Variants in RNF220 observed in about 807,000 individuals in gnomAD.
The protein encoded by RNF220 is E3 ubiquitin-protein ligase RNF220.
RNF220 carries 7 observed loss-of-function variants against 67.1 expected under a neutral mutation model. The observed-to-expected ratio is 0.10, with a 90% confidence interval of 0.06 to 0.20. The LOEUF is 0.20. Among genes scored for constraint, RNF220 ranks in the 10% least tolerant of loss-of-function variants. RNF220 has a pLI of 1.00. For missense variants in RNF220, 565 were observed against 740.3 expected, an observed-to-expected ratio of 0.76 and a Z score of 2.75; for synonymous variants, 270 against 283.2, an observed-to-expected ratio of 0.95 and a Z score of 0.47.
chr1:44,426,990 A>G (rs927197986), intron 2 of RNF220, among the ~76,000 whole-genome samples: 10 of 152,192 alleles, frequency 6.6e-5, no homozygotes, highest in African/African-American at 2.4e-4. Flanking sequence ...GCAAGCAAAG[A>G]GAAGAACATA....
In RNF220 at chr1:44,650,589, AGGACCAAGGT is replaced by A. The variant is rs1259165157; in HGVS notation, c.1630-114_1630-105del. 1 of 1,144,736 alleles carries A rather than the reference AGGACCAAGGT, an allele frequency of 8.7e-7. No individual in the cohort carries two copies. The highest frequency in any genetic ancestry group is 1.5e-5 in the African/African-American group (1 of 65,834). The allele number at this position is 1,144,736 out of a possible 1,614,324, so 70.9% of individuals were successfully genotyped here. A position where few individuals can be genotyped will look rare whatever the true frequency, so the allele number is the denominator to read the frequency against. On this transcript the variant is annotated intron_variant, in intron 14 of 14. Transcript: ENST00000361799. This position sits in a 1 kb window ranked among gnomAD's most constrained non-coding sequence, Gnocchi z 4.3. ...CTATGCGTCCCCAGCCTGGGCTGACAGGACCAAGGTCTCAGCACACACTGGTGCAGAGAGA... is the reference window on the plus strand; with the variant it reads ...CTATGCGTCCCCAGCCTGGGCTGACACTCAGCACACACTGGTGCAGAGAGA...
At chr1:44,551,119 C>CATTTT (rs1662591220) in intron 2 of RNF220, among the ~76,000 whole-genome samples, 1 of 97,498 alleles carries the variant, frequency 1.0e-5, no homozygotes. Flanking sequence ...CACTTCTTGC[C>CATTTT]TTTTTTTTTT....
At chr1:44,407,105 T>C (rs368176201) in intron 1 of RNF220, among the ~76,000 whole-genome samples, 5 of 152,014 alleles carry the variant, frequency 3.3e-5, no homozygotes, top group Non-Finnish European at 7.4e-5. Context: ...GCCCGGGCCA[T>C]AGGTGTGGGG....
In RNF220 at chr1:44,565,860, C is replaced by A. The variant is rs1321291741; in HGVS notation, c.626-48305C>A. Among the ~76,000 whole-genome samples the A allele has an allele frequency of 6.6e-6, 1 of 152,142 alleles. No individual in the cohort carries two copies. Among genetic ancestry groups the A allele is most frequent in the Non-Finnish European group, 1.5e-5 (1 of 68,016 alleles). On this transcript the variant is annotated intron_variant, in intron 2 of 14. Coordinates refer to ENST00000361799, the MANE Select transcript of RNF220 (RefSeq NM_018150.4). This position sits in a 1 kb window ranked among gnomAD's most constrained non-coding sequence, Gnocchi z 4.2. ...CTGCAGTCTTACCTGTCCTCTGAAG[C>A]CAGTTTGCTAAGTCTTGAATCCCAC...
At chr1:44,605,296 C>CAAAA (rs1553120199) in intron 2 of RNF220, among the ~76,000 whole-genome samples, 7 of 52,066 alleles carry the variant, frequency 1.3e-4, no homozygotes, top group Middle Eastern at 0.013. Context: ...GACTCCGTCT[C>CAAAA]AAAAAAAAAA....
At chr1:44,557,132 T>TACA (rs1663161597) in intron 2 of RNF220, among the ~76,000 whole-genome samples, 4 of 147,262 alleles carry the variant, frequency 2.7e-5, no homozygotes, top group Non-Finnish European at 6.0e-5. Flanking sequence ...TGTATATATA[T>TACA]TTTATATACG....
At chr1:44,442,739 A>T (rs1384822440) in intron 2 of RNF220, among the ~76,000 whole-genome samples, 2 of 149,910 alleles carry the variant, frequency 1.3e-5, no homozygotes, top group Non-Finnish European at 3.0e-5. Flanking sequence ...TTGGTCTTGA[A>T]CTCCTGGGCT....
chr1:44,645,146 A>G lies in RNF220; in HGVS notation c.1310+65A>G. ...ACAGGAAGCCCTGAGGCAGGGGTTA[A>G]CGCAGTACTGACCCTCAGGGCTGTC... On this transcript the variant is annotated intron_variant, in intron 10 of 14. Coordinates refer to ENST00000361799, the MANE Select transcript of RNF220 (RefSeq NM_018150.4). This position sits in a 1 kb window ranked among gnomAD's most constrained non-coding sequence, Gnocchi z 5.0. 10 of 1,611,664 alleles carry G rather than the reference A, an allele frequency of 6.2e-6. No individual in the cohort carries two copies. Among genetic ancestry groups the G allele is most frequent in the Non-Finnish European group, 8.5e-6 (10 of 1,177,792 alleles).
At chr1:44,448,933 A>G (rs1417418699) in intron 2 of RNF220, among the ~76,000 whole-genome samples, 1 of 152,218 alleles carries the variant, frequency 6.6e-6, no homozygotes, top group Non-Finnish European at 1.5e-5. Flanking sequence ...CCTCCCAGAC[A>G]CTGCTCTCTC....
chr1:44,405,377 A>ACTGCTGCTGCTGCTGCTGCCG lies in RNF220; in HGVS notation c.-266_-246dup, dbSNP rs139728188. 7 of 611,418 alleles carry ACTGCTGCTGCTGCTGCTGCCG rather than the reference A, an allele frequency of 1.1e-5. No homozygotes were observed. Among genetic ancestry groups the ACTGCTGCTGCTGCTGCTGCCG allele is most frequent in the Middle Eastern group, 3.6e-4 (1 of 2,814 alleles). 37.9% of individuals were successfully genotyped at this position (611,418 alleles called of 1,614,324 possible). ...AACACAAACCCGGGGCCAGCCGCCT[A>ACTGCTGCTGCTGCTGCTGCCG]CTGCTGCTGCTGCTGCTGCCGCTGC... On this transcript the variant is annotated 5_prime_UTR_variant, in exon 1 of 15. Transcript: ENST00000361799.
At chr1:44,509,253 G>GA (rs1204646423) in intron 2 of RNF220, among the ~76,000 whole-genome samples, 1 of 152,156 alleles carries the variant, frequency 6.6e-6, no homozygotes, top group Non-Finnish European at 1.5e-5. Context: ...GATGGTATTA[G>GA]AAAATAGGCA....
intron 2 of RNF220, among the ~76,000 whole-genome samples, chr1:44,580,913 C>A (rs1402340370): frequency 1.3e-5 from 2 of 152,226 alleles, no homozygotes; most frequent in Non-Finnish European, 2.9e-5. Flanking sequence ...TGTGTGGCCG[C>A]CTTCTCCAGG....
At chr1:44,436,854 C>T (rs749852062) in intron 2 of RNF220, among the ~76,000 whole-genome samples, 52 of 152,168 alleles carry the variant, frequency 3.4e-4, no homozygotes, top group Non-Finnish European at 6.2e-4. Context: ...TCTGTTTACC[C>T]CTGGCACCTC....
At chr1:44,642,652 G>A (rs1343069261) in intron 8 of RNF220, among the ~76,000 whole-genome samples, 1 of 152,222 alleles carries the variant, frequency 6.6e-6, no homozygotes, top group African/African-American at 2.4e-5. Context: ...AAGGACTTCA[G>A]GCTACAGGGC....
intron 2 of RNF220, among the ~76,000 whole-genome samples, chr1:44,455,771 C>T (rs559912126): frequency 1.3e-5 from 2 of 152,302 alleles, no homozygotes; most frequent in South Asian, 4.1e-4. Context: ...CATAAAACTA[C>T]ATAAATACAA....
chr1:44,493,485 G>A lies in RNF220; in HGVS notation c.625+80763G>A, dbSNP rs547327583. The stretch of plus-strand genomic sequence containing the variant: ...GCCAAGATCGTGCCATTGCACTCTA[G>A]CCTGGGTGACAAGAGCAAGACTCCG... On this transcript the variant is annotated intron_variant, in intron 2 of 14. Coordinates refer to ENST00000361799, the MANE Select transcript of RNF220 (RefSeq NM_018150.4). Among the ~76,000 whole-genome samples, 121 of 152,200 alleles carry A rather than the reference G, an allele frequency of 8.0e-4. 1 individual carries two copies. Among genetic ancestry groups the A allele is most frequent in the African/African-American group, 2.8e-3 (116 of 41,506 alleles).
Position 44,636,085 on chromosome 1 carries a change from A to G in RNF220, c.1049A>G (p.Asn350Ser), listed in dbSNP as rs1287856205. The G allele has an allele frequency of 6.2e-7, 1 of 1,614,226 alleles. No homozygotes were observed. The highest frequency in any genetic ancestry group is 8.5e-7 in the Non-Finnish European group (1 of 1,180,028). ...DDAVDIEHEN[N>S]NRFEEYEWCG... Reference sequence around the variant, plus strand: ...GCTGTGGACATCGAGCATGAGAACAACAACCGCTTTGAGGAGTATGAGTGG... The same window carrying G: ...GCTGTGGACATCGAGCATGAGAACAGCAACCGCTTTGAGGAGTATGAGTGG... The change falls in exon 8 of 15, where the codon AAC (asparagine) becomes AGC (serine). Residue 350 changes from asparagine (N) to serine (S), a missense_variant. By Grantham distance (46) the Asn-to-Ser change is conservative (BLOSUM62 1). Coordinates refer to ENST00000361799, the MANE Select transcript of RNF220 (RefSeq NM_018150.4).
chr1:44,501,474 G>A (rs934204644), intron 2 of RNF220, among the ~76,000 whole-genome samples: 1 of 152,108 alleles, frequency 6.6e-6, no homozygotes, highest in Non-Finnish European at 1.5e-5. Context: ...GTGAGCAGAG[G>A]AGGAGCAGGC....
At chr1:44,571,088 AG>A (rs1473055882) in intron 2 of RNF220, among the ~76,000 whole-genome samples, 1 of 151,518 alleles carries the variant, frequency 6.6e-6, no homozygotes, top group East Asian at 1.9e-4. Context: ...AAAAAAAAAA[AG>A]ATAAATCAGA....
Sources: gnomAD v4.1 joint callset for allele counts (sites outside exome capture counted in the v4.1 genomes callset) on GRCh38, gnomAD v4.1.1 for gene constraint, Gnocchi (gnomAD v3.1) non-coding constraint, MANE v1.5 for transcripts, NCBI Gene and HGNC (gene_info 2026-07-23, HGNC 2026-07-21) for gene names.